Variants in CNTNAP1 observed in about 807,000 individuals in gnomAD.
CNTNAP1 encodes contactin associated protein 1.
A neutral mutation model predicts 161.5 loss-of-function variants in CNTNAP1; 80 were observed. The ratio of observed to expected loss-of-function variants is 0.50; its 90% CI spans 0.41 to 0.60. CNTNAP1 has a LOEUF of 0.60. CNTNAP1 is among the 20% of genes least tolerant of loss of function. CNTNAP1 has a pLI of 0.00. For missense variants in CNTNAP1, 1,464 were observed against 1,854.8 expected (o/e 0.79, Z 3.87); for synonymous variants, 695 against 733.1 (o/e 0.95, Z 0.84).
intron 9 of CNTNAP1, 101 bp downstream of exon 9, chr17:42,688,712 G>A: frequency 6.4e-7 from 1 of 1,560,032 alleles, no homozygotes; most frequent in Non-Finnish European, 8.8e-7. Flanking sequence ...GAGGGATCAA[G>A]CCCTCTTCCC....
Position 42,687,890 on chromosome 17 carries a change from CG to C in CNTNAP1, c.1218del (p.Leu407TrpfsTer6), listed in dbSNP as rs756620782. The C allele has an allele frequency of 1.9e-6, 3 of 1,614,214 alleles. No individual in the cohort carries two copies. The highest frequency in any genetic ancestry group is 1.3e-5 in the African/African-American group (1 of 75,068). On this transcript the variant is annotated frameshift_variant, in exon 8 of 24. Coordinates refer to ENST00000264638, the MANE Select transcript of CNTNAP1 (RefSeq NM_003632.3). LOFTEE classifies it high-confidence loss of function. This position sits in a 1 kb window ranked among gnomAD's most constrained non-coding sequence, Gnocchi z 4.7. Reference sequence around the variant, plus strand: ...TTCTCCTTTTCTCCCGTCTGGGGGACGGGCTGGGCCACGTGGAGCTGACGCT... The same window carrying C: ...TTCTCCTTTTCTCCCGTCTGGGGGACGGCTGGGCCACGTGGAGCTGACGCT... ...GLLLFSRLGDGLGHVELTLSE... is the reference protein window; with the variant it reads ...GLLLFSRLGDXLGHVELTLSE...
intron 20 of CNTNAP1, 117 bp downstream of exon 20, chr17:42,696,269 T>TA: frequency 7.4e-7 from 1 of 1,346,064 alleles, no homozygotes; most frequent in Non-Finnish European, 1.0e-6. Flanking sequence ...TATAGAGGAT[T>TA]TTCACGTGTG....
In CNTNAP1 at chr17:42,687,762, A is replaced by G. The variant is rs2053035860; in HGVS notation, c.1087A>G (p.Ile363Val). The change falls in exon 8 of 24, where the codon ATC (isoleucine) becomes GTC (valine). Residue 363 changes from isoleucine to valine, a missense_variant. This residue lies in a region of CNTNAP1 where 1,383 missense variants were observed against 1,765.0 expected (regional missense o/e 0.78). Transcript: ENST00000264638. This position sits in a 1 kb window ranked among gnomAD's most constrained non-coding sequence, Gnocchi z 4.7. ...TTGCCTGGACCCGGTACCGCACCCT[A>G]TCAACTTCGGAGGCCCTCACAACTT... Reference protein sequence around the residue: ...FRCLDPVPHPINFGGPHNFVQ... With the variant: ...FRCLDPVPHPVNFGGPHNFVQ... The G allele has an allele frequency of 1.9e-6, 3 of 1,614,180 alleles. No homozygotes were observed. The highest frequency in any genetic ancestry group is 2.5e-6 in the Non-Finnish European group (3 of 1,180,020).
Position 42,686,123 on chromosome 17 carries a change from G to A in CNTNAP1, c.882G>A (p.Arg294=). ...TTATTCTCAATGGAGACTTCGAGAG[G>A]CTGAACCTGGACACTGAGGTGAGAG... The part of the protein sequence containing the change: ...QRFILNGDFE[R]LNLDTEMFIG... The change falls in exon 6 of 24, where the codon AGG becomes AGA. Residue 294 remains arginine, a synonymous_variant. Coordinates refer to ENST00000264638, the MANE Select transcript of CNTNAP1 (RefSeq NM_003632.3). 1 of 1,614,208 alleles carries A rather than the reference G, an allele frequency of 6.2e-7. No individual in the cohort carries two copies. Among genetic ancestry groups the A allele is most frequent in the Non-Finnish European group, 8.5e-7 (1 of 1,180,042 alleles).
rs192840124 is a variant in CNTNAP1 at position 42,687,997 on chromosome 17, G to T, written c.1306+16G>T. The T allele has an allele frequency of 1.1e-5, 18 of 1,608,946 alleles. No homozygotes were observed. Among genetic ancestry groups the T allele is most frequent in the Admixed American group, 3.4e-5 (2 of 59,542 alleles). On this transcript the variant is annotated intron_variant, in intron 8 of 23. Coordinates refer to ENST00000264638, the MANE Select transcript of CNTNAP1 (RefSeq NM_003632.3). The surrounding 1 kb of genome is among the most constrained non-coding windows in gnomAD (Gnocchi z 4.7). ...TTCGCTGCTGGTGAGGGCGTTTCGG[G>T]GGAGGCACAAGAAGAGAAGAGAAGT...
Position 42,693,347 on chromosome 17 carries a change from C to T in CNTNAP1, c.2803C>T (p.Arg935Cys), listed in dbSNP as rs759800860. Reference sequence around the variant, plus strand: ...CTTTGTGGGTTGCTTGAGGGCCATGCGTCTGAACGGAGTGACTCTGAACCT... The same window carrying T: ...CTTTGTGGGTTGCTTGAGGGCCATGTGTCTGAACGGAGTGACTCTGAACCT... ...RPFVGCLRAMRLNGVTLNLEG... is the reference protein window; with the variant it reads ...RPFVGCLRAMCLNGVTLNLEG... Residue 935 changes from arginine (R) to cysteine (C), a missense_variant, in exon 18 of 24, where the codon CGT becomes TGT. Arg to Cys is a radical substitution (Grantham distance 180). Around this residue, in one of 3 missense-constraint regions of CNTNAP1, gnomAD observed 1,383 missense variants for 1,765.0 expected, o/e 0.78. Coordinates refer to ENST00000264638, the MANE Select transcript of CNTNAP1 (RefSeq NM_003632.3). 5.6e-6 allele frequency: 9 copies of T among 1,614,066 alleles called. No individual in the cohort carries two copies. The highest frequency in any genetic ancestry group is 1.6e-4 in the Middle Eastern group (1 of 6,084).
At chr17:42,688,809 G>A in intron 9 of CNTNAP1, 67 bp from the exon 10 acceptor site, 2 of 1,589,314 alleles carry the variant, frequency 1.3e-6, no homozygotes, top group Non-Finnish European at 1.7e-6. Flanking sequence ...CTCCCCCTCA[G>A]CATGTCCCTG....
rs745498057 is a variant in CNTNAP1 at position 42,690,950 on chromosome 17, C to T, written c.2059+8C>T. ...GGCTGCTCAACACTGCAGGTTAGGGCTGGGGTCAGGGAGGTGGCGGAACTG... is the reference window on the plus strand; with the variant it reads ...GGCTGCTCAACACTGCAGGTTAGGGTTGGGGTCAGGGAGGTGGCGGAACTG... On this transcript the variant is annotated splice_region_variant and intron_variant, in intron 13 of 23. Coordinates refer to ENST00000264638, the MANE Select transcript of CNTNAP1 (RefSeq NM_003632.3). 2.0e-5 allele frequency: 32 copies of T among 1,613,834 alleles called. No homozygotes were observed. The highest frequency in any genetic ancestry group is 2.0e-5 in the Non-Finnish European group (24 of 1,179,894).
rs766337105 is a variant in CNTNAP1 at position 42,682,791 on chromosome 17, C to G, written c.-39C>G. 1 of 1,547,344 alleles carries G rather than the reference C, an allele frequency of 6.5e-7. No individual in the cohort carries two copies. The highest frequency in any genetic ancestry group is 8.7e-7 in the Non-Finnish European group (1 of 1,147,966). ...CCAGAACTCGAGCCCTAGCCGGAGCCGTTCACAGGGAGGCGGCTGCCGGGA... is the reference window on the plus strand; with the variant it reads ...CCAGAACTCGAGCCCTAGCCGGAGCGGTTCACAGGGAGGCGGCTGCCGGGA... On this transcript the variant is annotated 5_prime_UTR_variant, in exon 1 of 24. Transcript: ENST00000264638.
At chr17:42,692,033 G>C in intron 16 of CNTNAP1, 42 bp downstream of exon 16, 1 of 1,596,298 alleles carries the variant, frequency 6.3e-7, no homozygotes, top group Non-Finnish European at 8.6e-7. Flanking sequence ...GTAGATGAAA[G>C]TGCTGTCTGG....
At chr17:42,686,231 C>T (rs2053005915) in intron 6 of CNTNAP1, 90 bp downstream of exon 6, 12 of 1,305,106 alleles carry the variant, frequency 9.2e-6, no homozygotes, top group Non-Finnish European at 1.2e-5. Context: ...TTTCCTCTGT[C>T]TCTCAGAGGA....
intron 3 of CNTNAP1, 101 bp downstream of exon 3, chr17:42,684,330 G>A: frequency 1.7e-6 from 2 of 1,182,410 alleles, no homozygotes; most frequent in Non-Finnish European, 2.4e-6. Context: ...TGGTGGTGAG[G>A]GCTCGGACAA....
Position 42,695,612 on chromosome 17 carries a change from G to A in CNTNAP1, c.3084G>A (p.Leu1028=), listed in dbSNP as rs2053141459. The change falls in exon 19 of 24, where the codon CTG becomes CTA. Residue 1028 remains leucine (L), a synonymous_variant. Coordinates refer to ENST00000264638, the MANE Select transcript of CNTNAP1 (RefSeq NM_003632.3). Reference sequence around the variant, plus strand: ...CAGCCAGGGAGTTCTCCCACATGCTGAGCCGGCCAGTGCCAGGCTATGAGC... The same window carrying A: ...CAGCCAGGGAGTTCTCCCACATGCTAAGCCGGCCAGTGCCAGGCTATGAGC... ...RSAAREFSHM[L]SRPVPGYEPG... 1.2e-6 allele frequency: 2 copies of A among 1,614,192 alleles called. No individual in the cohort carries two copies. Among genetic ancestry groups the A allele is most frequent in the Non-Finnish European group, 1.7e-6 (2 of 1,180,030 alleles).
Position 42,688,624 on chromosome 17 carries a change from C to T in CNTNAP1, c.1456+13C>T. 6.2e-7 allele frequency: 1 copy of T among 1,614,110 alleles called. No individual in the cohort carries two copies. Among genetic ancestry groups the T allele is most frequent in the Non-Finnish European group, 8.5e-7 (1 of 1,180,010 alleles). Reference sequence around the variant, plus strand: ...TATTTCTTTGGGGGTAAGTGGGGGCCAACCTGACCAGACCTCTGTTTCTGG... The same window carrying T: ...TATTTCTTTGGGGGTAAGTGGGGGCTAACCTGACCAGACCTCTGTTTCTGG... On this transcript the variant is annotated intron_variant, in intron 9 of 23. Transcript: ENST00000264638.
At position 42,682,853 on chromosome 17, in the gene CNTNAP1, C is replaced by A; in HGVS notation, c.24C>A (p.Cys8Ter). 2 of 1,595,132 alleles carry A rather than the reference C, an allele frequency of 1.3e-6. No individual in the cohort carries two copies. Among genetic ancestry groups the A allele is most frequent in the Non-Finnish European group, 1.7e-6 (2 of 1,172,010 alleles). ...GCATGATGCATCTCCGGCTCTTCTG[C>A]ATCCTGCTCGCCGCGGTCTCAGGAG... MMHLRLFCILLAAVSGAE... is the reference protein window; with the variant it reads MMHLRLF The change falls in exon 1 of 24, where the codon TGC becomes TGA. Residue 8 changes from cysteine (C) to a stop codon, truncating the protein, a stop_gained. Coordinates refer to ENST00000264638, the MANE Select transcript of CNTNAP1 (RefSeq NM_003632.3). LOFTEE classifies it high-confidence loss of function.
rs978848433 is a variant in CNTNAP1, at chr17:42,685,601, C to T, written c.715+181C>T. 2.6e-5 allele frequency among the ~76,000 whole-genome samples: 4 copies of T among 152,242 alleles called. No individual in the cohort carries two copies. The highest frequency in any genetic ancestry group is 4.4e-5 in the Non-Finnish European group (3 of 68,048). On this transcript the variant is annotated intron_variant, in intron 5 of 23. Transcript: ENST00000264638. This position sits in a 1 kb window ranked among gnomAD's most constrained non-coding sequence, Gnocchi z 5.0. ...GCAAAACACTGGAGTTGAGTGAGAA[C>T]TGGATTCCAGTCTCAGCTCTACCAC...
Position 42,690,074 on chromosome 17 carries a change from CTA to C in CNTNAP1, c.1736-12_1736-11del. ...ACTCTCTAACTGCCTTTGTCTCAAC[CTA>C]TTATCTGCCAGCTTTGTATAAGGAA... On this transcript the variant is annotated splice_polypyrimidine_tract_variant and intron_variant, in intron 11 of 23. Transcript: ENST00000264638. The C allele has an allele frequency of 5.6e-6, 9 of 1,612,974 alleles. No individual in the cohort carries two copies. Among genetic ancestry groups the C allele is most frequent in the Non-Finnish European group, 7.6e-6 (9 of 1,179,318 alleles).
chr17:42,695,508 C>G lies in CNTNAP1; in HGVS notation c.2993-13C>G. ...CAGTGTGGGGGCCCTAACCTCCCTG[C>G]TTCTACCTGCAGATATTGGTGGTTT... On this transcript the variant is annotated splice_polypyrimidine_tract_variant and intron_variant, in intron 18 of 23. Transcript: ENST00000264638. The G allele has an allele frequency of 6.3e-7, 1 of 1,593,852 alleles. No individual in the cohort carries two copies. The highest frequency in any genetic ancestry group is 1.3e-5 in the African/African-American group (1 of 74,588).
At chr17:42,692,432 C>T (rs1310507761) in intron 16 of CNTNAP1, 67 bp from the exon 17 acceptor site, 4 of 1,337,482 alleles carry the variant, frequency 3.0e-6, no homozygotes, top group African/African-American at 1.4e-5. Context: ...TTATATTGGG[C>T]AAGGATCTAT....
Sources: allele counts gnomAD v4.1 joint callset (sites outside exome capture counted in the v4.1 genomes callset), GRCh38; gene constraint gnomAD v4.1.1; regional missense constraint gnomAD v4.1.1; non-coding constraint Gnocchi (gnomAD v3.1); transcripts MANE v1.5; gene names NCBI Gene and HGNC (gene_info 2026-07-23, HGNC 2026-07-21).